The following PSPC1 variants were observed in gnomAD, a reference collection of about 807,000 sequenced individuals.
PSPC1 encodes the protein paraspeckle component 1, also known as paraspeckle protein 1.
PSPC1 carries 14 observed loss-of-function variants against 51.6 expected under a neutral mutation model. The ratio of observed to expected loss-of-function variants is 0.27; its 90% confidence interval spans 0.18 to 0.42. The LOEUF (loss-of-function observed/expected upper bound fraction) is 0.42. Among genes scored for constraint, PSPC1 ranks in the 10% least tolerant of loss-of-function variants. PSPC1 has a pLI of 1.00. For missense variants in PSPC1, 406 were observed against 701.1 expected (o/e 0.58, Z 4.75); for synonymous variants, 193 against 231.9 (o/e 0.83, Z 1.53).
At chr13:19,735,982 G>A (rs1467857580) in intron 5 of PSPC1, among the ~76,000 whole-genome samples, 8 of 151,936 alleles carry the variant, frequency 5.3e-5, no homozygotes, top group Admixed American at 2.0e-4. Flanking sequence ...CACCACGTCC[G>A]GCTAATTTTT....
At chr13:19,741,153 C>T (rs967198043) in intron 5 of PSPC1, among the ~76,000 whole-genome samples, 1 of 152,132 alleles carries the variant, frequency 6.6e-6, no homozygotes, top group Non-Finnish European at 1.5e-5. Flanking sequence ...GAATTACAGG[C>T]ATGAGCTACT....
At chr13:19,685,180 C>A (rs902503664) in intron 6 of PSPC1, among the ~76,000 whole-genome samples, 2 of 152,204 alleles carry the variant, frequency 1.3e-5, no homozygotes, top group Admixed American at 6.5e-5. Context: ...AGCTTCCCAT[C>A]AGCAAAGCTG....
chr13:19,752,595 TTTA>T (rs1171953030), intron 3 of PSPC1, among the ~76,000 whole-genome samples: 9 of 141,790 alleles, frequency 6.3e-5, no homozygotes, highest in African/African-American at 2.3e-4. Context: ...TATTTATTTA[TTTA>T]TTTTTGAGAC....
chr13:19,734,363 A>G (rs1036803525), intron 5 of PSPC1, among the ~76,000 whole-genome samples: 2 of 152,230 alleles, frequency 1.3e-5, no homozygotes, highest in Non-Finnish European at 2.9e-5. Flanking sequence ...AATTATTTAC[A>G]GGTCTCAAAT....
intron 4 of PSPC1, 74 bp downstream of exon 4, chr13:19,751,197 G>T: frequency 8.2e-7 from 1 of 1,219,534 alleles, no homozygotes; most frequent in Non-Finnish European, 1.1e-6. Flanking sequence ...ACTTTACACA[G>T]TAGTACATGA....
At chr13:19,703,953 T>C (rs1247306455) in intron 8 of PSPC1, among the ~76,000 whole-genome samples, 1 of 152,202 alleles carries the variant, frequency 6.6e-6, no homozygotes, top group African/African-American at 2.4e-5. Context: ...TAACATGCAC[T>C]AATAAGCACA....
chr13:19,760,187 C>T (rs1010987455), intron 2 of PSPC1, among the ~76,000 whole-genome samples: 6 of 152,096 alleles, frequency 3.9e-5, no homozygotes, highest in Non-Finnish European at 8.8e-5. Context: ...CATCTGTACC[C>T]ACCACCCAGT....
downstream of PSPC1, among the ~76,000 whole-genome samples, chr13:19,699,846 T>C (rs1035187505): frequency 2.0e-5 from 3 of 152,052 alleles, no homozygotes; most frequent in African/African-American, 7.2e-5. Flanking sequence ...TGACTTTTTA[T>C]ATCACTGCTA....
At chr13:19,671,811 C>G (rs1876145921), downstream of PSPC1, 1 of 1,612,974 alleles carries the variant, frequency 6.2e-7, no homozygotes, top group South Asian at 1.1e-5. Context: ...TGTACTGACA[C>G]CTGCGTTCTT....
chr13:19,759,158 C>A (rs1887374721), intron 3 of PSPC1, among the ~76,000 whole-genome samples, 165 bp downstream of exon 3: 4 of 150,762 alleles, frequency 2.7e-5, no homozygotes, highest in Admixed American at 1.3e-4. Context: ...TCAAAAAAAA[C>A]AAAAAGAAAG....
At chr13:19,758,694 G>A (rs1040470258) in intron 3 of PSPC1, among the ~76,000 whole-genome samples, 6 of 151,952 alleles carry the variant, frequency 3.9e-5, no homozygotes, top group African/African-American at 1.4e-4. Context: ...AATTAGTCGG[G>A]CGTGGTGGCG....
chr13:19,772,253 G>T lies in PSPC1; in HGVS notation c.663C>A (p.Phe221Leu). Residue 221 changes from phenylalanine (F) to leucine (L), a missense_variant, in exon 2 of 9, where the codon TTC becomes TTA. Coordinates refer to ENST00000338910, the MANE Select transcript of PSPC1 (RefSeq NM_001354909.2). ...TATTTAAAACTTACGTTGTTAGCAA[G>T]AATGCCCCATCACCACATCTTTCCA... is the stretch of plus-strand genomic sequence containing the variant. ...KALERCGDGA[F>L]LLTTTPRPVI... is the part of the protein sequence containing the mutation. 1 of 1,612,862 alleles carries T rather than the reference G, an allele frequency of 6.2e-7. No homozygotes were observed. The highest frequency in any genetic ancestry group is 8.5e-7 in the Non-Finnish European group (1 of 1,179,160).
chr13:19,773,293 G>A (rs778030475), intron 1 of PSPC1, among the ~76,000 whole-genome samples: 44 of 143,690 alleles, frequency 3.1e-4, no homozygotes, highest in Non-Finnish European at 5.4e-4. Flanking sequence ...ACTGTCACCC[G>A]GGCTAGAGTA....
At chr13:19,781,358 G>C (rs1022453464) in intron 1 of PSPC1, among the ~76,000 whole-genome samples, 3 of 151,934 alleles carry the variant, frequency 2.0e-5, no homozygotes, top group Non-Finnish European at 4.4e-5. Context: ...CGCCATGTTG[G>C]CCAGGCTTGT....
chr13:19,771,754 G>A (rs1207482081), intron 2 of PSPC1, among the ~76,000 whole-genome samples: 2 of 151,976 alleles, frequency 1.3e-5, no homozygotes, highest in African/African-American at 4.8e-5. Context: ...CCCAGTAGCT[G>A]GGACTACAGG....
downstream of PSPC1, among the ~76,000 whole-genome samples, chr13:19,699,768 T>C (rs1335979160): frequency 2.6e-5 from 4 of 152,128 alleles, no homozygotes. Context: ...CAGGAAAACA[T>C]GAATAACTGT....
intron 7 of PSPC1, among the ~76,000 whole-genome samples, chr13:19,676,151 C>A (rs914893684): frequency 1.3e-5 from 2 of 152,188 alleles, no homozygotes; most frequent in Non-Finnish European, 2.9e-5. Flanking sequence ...AGCTTATGTA[C>A]ACAATTTTTT....
intron 4 of PSPC1, among the ~76,000 whole-genome samples, chr13:19,744,087 A>C (rs1335398799): frequency 2.0e-5 from 3 of 152,168 alleles, no homozygotes; most frequent in Non-Finnish European, 2.9e-5. Context: ...CAGCCTGGGC[A>C]ACAAGAGCGA....
intron 1 of PSPC1, among the ~76,000 whole-genome samples, chr13:19,781,750 G>T (rs766329242): frequency 6.6e-6 from 1 of 151,988 alleles, no homozygotes; most frequent in Non-Finnish European, 1.5e-5. Context: ...AGACCAGCCT[G>T]GGCAACATAG....
Sources: allele counts gnomAD v4.1 joint callset (sites outside exome capture counted in the v4.1 genomes callset), GRCh38; gene constraint gnomAD v4.1.1; transcripts MANE v1.5; gene names NCBI Gene and HGNC (gene_info 2026-07-23, HGNC 2026-07-21).